The following SSBP4 variants were observed in gnomAD, a reference collection of about 807,000 sequenced individuals.
The protein encoded by SSBP4 is single-stranded DNA-binding protein 4.
In SSBP4, 33 loss-of-function variants were observed where a neutral mutation model predicts 64.6. The observed-to-expected ratio is 0.51, with a 90% confidence interval of 0.39 to 0.68. The LOEUF is 0.68. Ranked by LOEUF, SSBP4 falls within the 30% of genes least tolerant of loss-of-function variation. The probability of loss-of-function intolerance (pLI) is 0.00; values close to 1 mark genes in which losing one functional copy is unlikely to be tolerated. For synonymous variants in SSBP4, 243 were observed against 224.0 expected (o/e 1.08, Z -0.76); for missense variants, 583 against 566.8 (o/e 1.03, Z -0.29).
chr19:18,419,142 C>T, upstream of SSBP4: 1 of 985,468 alleles, frequency 1.0e-6, no homozygotes, highest in Non-Finnish European at 1.2e-6. Flanking sequence ...TGGCCGGCTC[C>T]ATTTGAGGTG....
At chr19:18,431,213 G>T (rs978004818) in intron 5 of SSBP4, 140 bp from the exon 6 acceptor site, 1 of 244,870 alleles carries the variant, frequency 4.1e-6, no homozygotes, top group South Asian at 6.2e-5. Context: ...ACTGGTGCCT[G>T]AGTCCTGCCC....
intron 13 of SSBP4, 36 bp from the exon 14 acceptor site, chr19:18,432,937 C>A (rs1004195977): frequency 2.5e-6 from 4 of 1,613,954 alleles, no homozygotes; most frequent in Non-Finnish European, 3.4e-6. Flanking sequence ...TTGGGGGAAA[C>A]CCCGTCACAC....
the SSBP4 span, among the ~76,000 whole-genome samples, chr19:18,409,145 G>C: frequency 6.6e-6 from 1 of 151,000 alleles, no homozygotes; most frequent in African/African-American, 2.4e-5. Context: ...AGATTAGACA[G>C]TAATAGTGCT....
chr19:18,415,695 C>T (rs559398803), upstream of SSBP4, among the ~76,000 whole-genome samples: 3 of 152,236 alleles, frequency 2.0e-5, no homozygotes, highest in African/African-American at 7.2e-5. Context: ...GGCCAGAAGC[C>T]AGAGAAAAAG....
At chr19:18,416,630 C>A (rs935298530), upstream of SSBP4, among the ~76,000 whole-genome samples, 2 of 152,366 alleles carry the variant, frequency 1.3e-5, no homozygotes, top group Non-Finnish European at 2.9e-5. Context: ...CATCATCCCC[C>A]TCTTCTTCAC....
intron 15 of SSBP4, 170 bp downstream of exon 15, chr19:18,433,383 C>A: frequency 1.6e-6 from 2 of 1,263,008 alleles, no homozygotes; most frequent in Non-Finnish European, 2.2e-6. Flanking sequence ...GGGGATCCAG[C>A]GACCAAACCA....
At position 18,427,984 on chromosome 19, in the gene SSBP4, T is replaced by G. The variant is rs554468415; in HGVS notation, c.279+2T>G. On this transcript the variant is annotated splice_donor_variant, in intron 4 of 17. Coordinates refer to ENST00000270061, the MANE Select transcript of SSBP4 (RefSeq NM_032627.5). LOFTEE classifies it high-confidence loss of function. This position sits in a 1 kb window ranked among gnomAD's most constrained non-coding sequence, Gnocchi z 4.4. ...GAGGCCAAGGCCTTCCAGGACTATGTGAGTCCTGGCCCCAGGGACTCAGGG... is the reference window on the plus strand; with the variant it reads ...GAGGCCAAGGCCTTCCAGGACTATGGGAGTCCTGGCCCCAGGGACTCAGGG... The G allele has an allele frequency of 2.5e-6, 4 of 1,607,206 alleles. No homozygotes were observed. Among genetic ancestry groups the G allele is most frequent in the Non-Finnish European group, 3.4e-6 (4 of 1,179,158 alleles).
intron 10 of SSBP4, 32 bp from the exon 11 acceptor site, chr19:18,432,526 GC>G: frequency 6.5e-7 from 1 of 1,548,078 alleles, no homozygotes; most frequent in South Asian, 1.2e-5. Context: ...ACATGGACTA[GC>G]CCCAGAGTCT....
intron 16 of SSBP4, 37 bp downstream of exon 16, chr19:18,433,650 G>A (rs752096388): frequency 1.3e-5 from 18 of 1,437,180 alleles, no homozygotes; most frequent in African/African-American, 4.6e-5. Context: ...GTGGGATCCG[G>A]GGGGGGTGGC....
intron 6 of SSBP4, 107 bp from the exon 7 acceptor site, chr19:18,431,540 C>T (rs575881522): frequency 1.4e-6 from 2 of 1,444,954 alleles, no homozygotes; most frequent in Non-Finnish European, 1.9e-6. Context: ...CTGGCTGGTT[C>T]TGGAGGAGGG....
the SSBP4 span, among the ~76,000 whole-genome samples, chr19:18,410,051 T>C: frequency 3.3e-5 from 5 of 152,336 alleles, no homozygotes; most frequent in South Asian, 2.1e-4. Flanking sequence ...TGGAGTGCAG[T>C]GGCACGATCT....
chr19:18,425,268 G>A (rs1014774409), intron 1 of SSBP4, among the ~76,000 whole-genome samples: 2 of 152,088 alleles, frequency 1.3e-5, no homozygotes, highest in Non-Finnish European at 2.9e-5. Context: ...TACCCAGAAT[G>A]CAGCCTCAGC....
At chr19:18,430,133 CAG>C (rs1005895839) in intron 4 of SSBP4, among the ~76,000 whole-genome samples, 9 of 152,168 alleles carry the variant, frequency 5.9e-5, no homozygotes, top group East Asian at 1.9e-4. Flanking sequence ...ACCATACAGA[CAG>C]GGGCCAGGAG....
At chr19:18,410,736 G>A in the SSBP4 span, among the ~76,000 whole-genome samples, 4 of 151,858 alleles carry the variant, frequency 2.6e-5, no homozygotes, top group Admixed American at 2.6e-4. Flanking sequence ...TGCTGGGGGC[G>A]GGACCTGCTG....
upstream of SSBP4, among the ~76,000 whole-genome samples, chr19:18,416,533 C>T (rs1972132153): frequency 6.6e-6 from 1 of 152,106 alleles, no homozygotes; most frequent in Non-Finnish European, 1.5e-5. Context: ...CTCGCGGCTC[C>T]ACACCCTCCC....
intron 11 of SSBP4, 36 bp from the exon 12 acceptor site, chr19:18,432,664 G>C (rs544843525): frequency 6.4e-7 from 1 of 1,556,502 alleles, no homozygotes; most frequent in African/African-American, 1.4e-5. Context: ...TGGGTGAGCC[G>C]CCTGGCTGAC....
upstream of SSBP4, among the ~76,000 whole-genome samples, chr19:18,414,641 C>A (rs1270531067): frequency 2.0e-5 from 3 of 152,186 alleles, no homozygotes; most frequent in Admixed American, 2.0e-4. Flanking sequence ...CCGGTGAAAG[C>A]CACACAAGGT....
At chr19:18,409,685 A>T in the SSBP4 span, among the ~76,000 whole-genome samples, 1 of 150,774 alleles carries the variant, frequency 6.6e-6, no homozygotes, top group Non-Finnish European at 1.5e-5. Context: ...CATCCAGCTA[A>T]TTTTTTATTT....
Position 18,431,380 on chromosome 19 carries a change from C to T in SSBP4, c.397C>T (p.His133Tyr), listed in dbSNP as rs766718404. 1 of 1,453,738 alleles carries T rather than the reference C, an allele frequency of 6.9e-7. No individual in the cohort carries two copies. The highest frequency in any genetic ancestry group is 9.3e-7 in the Non-Finnish European group (1 of 1,072,554). The allele number at this position is 1,453,738 out of a possible 1,614,324, so 90.1% of individuals were successfully genotyped here. ...QGPPGSQPSP[H>Y]NPNAPMMGPH... The stretch of plus-strand genomic sequence containing the variant: ...CCCCCCCGGCTCCCAGCCGTCCCCC[C>T]ACAACCCCAACGCCCCCATGATGGG... The change falls in exon 6 of 18, where the codon CAC becomes TAC. Residue 133 changes from histidine (H) to tyrosine (Y), a missense_variant. Coordinates refer to ENST00000270061, the MANE Select transcript of SSBP4 (RefSeq NM_032627.5).
Sources: allele counts gnomAD v4.1 joint callset (sites outside exome capture counted in the v4.1 genomes callset), GRCh38; gene constraint gnomAD v4.1.1; non-coding constraint Gnocchi (gnomAD v3.1); transcripts MANE v1.5; gene names NCBI Gene and HGNC (gene_info 2026-07-23, HGNC 2026-07-21).